Variants in SV2C observed in about 807,000 individuals in gnomAD.
The protein encoded by SV2C is solute carrier family 22 member B3.
In SV2C, 49 loss-of-function variants were observed where a neutral mutation model predicts 79.7. The ratio of observed to expected loss-of-function variants is 0.61; its 90% CI spans 0.49 to 0.78. The LOEUF is 0.78. Among genes scored for constraint, SV2C ranks in the 30% least tolerant of loss-of-function variants. The probability of loss-of-function intolerance (pLI) is 0.00; values close to 1 mark genes in which losing one functional copy is unlikely to be tolerated. For synonymous variants in SV2C, 334 were observed against 333.2 expected (o/e 1.00, Z -0.03); for missense variants, 833 against 912.9 (o/e 0.91, Z 1.13).
At chr5:76,182,578 G>A (rs561128435) in intron 2 of SV2C, among the ~76,000 whole-genome samples, 18 of 152,230 alleles carry the variant, frequency 1.2e-4, no homozygotes, top group South Asian at 8.3e-4. Flanking sequence ...TGCCTCGGGC[G>A]TAAGATGAAA....
At chr5:75,993,482 A>C in the SV2C span, among the ~76,000 whole-genome samples, 1 of 152,086 alleles carries the variant, frequency 6.6e-6, no homozygotes, top group African/African-American at 2.4e-5. Flanking sequence ...GACCAAGCTA[A>C]TGCTTTCACC....
chr5:75,856,494 G>C, the SV2C span, among the ~76,000 whole-genome samples: 6,210 of 152,250 alleles, frequency 0.041, 207 homozygotes, highest in African/African-American at 0.095. Context: ...TTTAACTGGG[G>C]TGAGATAACA....
chr5:75,983,965 G>A, the SV2C span, among the ~76,000 whole-genome samples: 1 of 152,080 alleles, frequency 6.6e-6, no homozygotes, highest in Non-Finnish European at 1.5e-5. Flanking sequence ...GACAGATGGA[G>A]GAGACAGCTA....
At position 76,254,141 on chromosome 5, in the gene SV2C, T is replaced by A. The variant is rs1348423869; in HGVS notation, c.914-31021T>A. Among the ~76,000 whole-genome samples, 3 of 137,750 alleles carry A rather than the reference T, an allele frequency of 2.2e-5. No individual in the cohort carries two copies. In the East Asian group the frequency reaches 6.2e-4, roughly 28 times the overall value. The allele number at this position is 137,750 out of a possible 152,430, so 90.4% of individuals were successfully genotyped here. A position where few individuals can be genotyped will look rare whatever the true frequency, so the allele number is the denominator to read the frequency against. The stretch of plus-strand genomic sequence containing the variant: ...CTGTCTCTATTATTAAATATATGTG[T>A]TATTATATATATATATATATGTGTG... On this transcript the variant is annotated intron_variant, in intron 4 of 12. Coordinates refer to ENST00000502798, the MANE Select transcript of SV2C (RefSeq NM_014979.4).
intron 2 of SV2C, among the ~76,000 whole-genome samples, chr5:76,144,820 A>G (rs1749368047): frequency 8.2e-6 from 1 of 122,516 alleles, no homozygotes; most frequent in Non-Finnish European, 1.8e-5. Flanking sequence ...TCAGATTGAT[A>G]GGAGGTTTTT....
the SV2C span, among the ~76,000 whole-genome samples, chr5:76,030,285 T>A: frequency 0.011 from 1,250 of 109,984 alleles, 59 homozygotes; most frequent in African/African-American, 0.062. Flanking sequence ...TTTTTTTTTT[T>A]TTTTTTTATT....
chr5:76,065,916 T>C, the SV2C span, among the ~76,000 whole-genome samples: 1 of 152,182 alleles, frequency 6.6e-6, no homozygotes, highest in Non-Finnish European at 1.5e-5. Flanking sequence ...AGGGGGATTA[T>C]TGCACCAAAC....
the SV2C span, among the ~76,000 whole-genome samples, chr5:75,863,251 G>C: frequency 6.6e-6 from 1 of 151,986 alleles, no homozygotes; most frequent in African/African-American, 2.4e-5. Context: ...TGAGGTGATG[G>C]GTGCAGCAAA....
intron 4 of SV2C, among the ~76,000 whole-genome samples, chr5:76,281,534 C>G (rs1389367501): frequency 6.6e-6 from 1 of 152,154 alleles, no homozygotes; most frequent in African/African-American, 2.4e-5. Context: ...GCTGCTGTAA[C>G]AAATCGCTAT....
intron 1 of SV2C, among the ~76,000 whole-genome samples, chr5:76,114,582 C>T (rs1748203004): frequency 6.6e-6 from 1 of 152,226 alleles, no homozygotes; most frequent in Non-Finnish European, 1.5e-5. Flanking sequence ...TGCATTAAAA[C>T]TCTGCAAGTA....
chr5:75,917,753 G>C, the SV2C span, among the ~76,000 whole-genome samples: 1 of 152,106 alleles, frequency 6.6e-6, no homozygotes, highest in Admixed American at 6.5e-5. Flanking sequence ...CCTACTATTT[G>C]ATAGGACAAT....
intron 12 of SV2C, among the ~76,000 whole-genome samples, chr5:76,344,029 C>T (rs246822): frequency 0.18 from 27,174 of 151,852 alleles, 3,508 homozygotes; most frequent in East Asian, 0.74. Context: ...AAATAACAAC[C>T]GCAACAACAA....
intron 2 of SV2C, among the ~76,000 whole-genome samples, chr5:76,139,676 A>G (rs1330083591): frequency 1.3e-5 from 2 of 152,070 alleles, no homozygotes; most frequent in African/African-American, 2.4e-5. Context: ...CTGGAGAAAT[A>G]TTCCAACTTC....
At chr5:76,016,094 C>T in the SV2C span, among the ~76,000 whole-genome samples, 1 of 151,878 alleles carries the variant, frequency 6.6e-6, no homozygotes. Context: ...AGACTAGTCT[C>T]TCTCCATCTT....
the SV2C span, among the ~76,000 whole-genome samples, chr5:75,914,128 C>G: frequency 1.1e-4 from 17 of 152,176 alleles, no homozygotes; most frequent in Non-Finnish European, 2.9e-5. Context: ...ATTGTCTTCT[C>G]TATGATTCCC....
At chr5:76,164,721 A>AGT (rs10651569) in intron 2 of SV2C, among the ~76,000 whole-genome samples, 26,771 of 141,756 alleles carry the variant, frequency 0.19, 2,695 homozygotes, top group Non-Finnish European at 0.23. Context: ...GATGGAACTC[A>AGT]GTGTGTGTGT....
At chr5:76,315,324 G>GA (rs551814135) in intron 12 of SV2C, among the ~76,000 whole-genome samples, 152 of 146,992 alleles carry the variant, frequency 1.0e-3, no homozygotes, top group Middle Eastern at 7.0e-3. Flanking sequence ...TTTTCTCTCT[G>GA]AAAAAAAAAA....
chr5:76,285,310 T>G lies in SV2C; in HGVS notation c.1047+15T>G, dbSNP rs1561298574. On this transcript the variant is annotated intron_variant, in intron 5 of 12. Coordinates refer to ENST00000502798, the MANE Select transcript of SV2C (RefSeq NM_014979.4). Reference sequence around the variant, plus strand: ...TCTTGTTGGAGGTAACACTTATTATTGCAGATACTCAGGTAGCCCACCTCT... The same window carrying G: ...TCTTGTTGGAGGTAACACTTATTATGGCAGATACTCAGGTAGCCCACCTCT... 1 of 1,613,308 alleles carries G rather than the reference T, an allele frequency of 6.2e-7. No individual in the cohort carries two copies.
chr5:75,905,387 C>A, the SV2C span, among the ~76,000 whole-genome samples: 1 of 152,148 alleles, frequency 6.6e-6, no homozygotes, highest in African/African-American at 2.4e-5. Context: ...ATCTAGAAAG[C>A]AGTTTGATTA....
Sources: allele counts gnomAD v4.1 joint callset (sites outside exome capture counted in the v4.1 genomes callset), GRCh38; gene constraint gnomAD v4.1.1; transcripts MANE v1.5; gene names NCBI Gene and HGNC (gene_info 2026-07-23, HGNC 2026-07-21).